Variants in TEX11 observed in about 807,000 individuals in gnomAD.
The protein encoded by TEX11 is testis expressed 11.
Under a neutral mutation model 84.4 loss-of-function variants are expected in TEX11, and 7 were observed. That is an observed-to-expected ratio of 0.08 (90% confidence interval 0.05 to 0.16). The LOEUF (loss-of-function observed/expected upper bound fraction) is 0.16. TEX11 is among the 10% of genes least tolerant of loss of function. TEX11 has a pLI of 1.00. For synonymous variants in TEX11, 264 were observed against 222.8 expected, an observed-to-expected ratio of 1.18 and a Z score of -1.64; for missense variants, 551 against 660.5, an observed-to-expected ratio of 0.83 and a Z score of 1.82.
chrX:70,666,517 T>C (rs975939964), intron 16 of TEX11, among the ~76,000 whole-genome samples: 1 of 111,469 alleles, frequency 9.0e-6, no homozygotes, highest in Non-Finnish European at 1.9e-5. Flanking sequence ...CTGGCATGAG[T>C]CTACTTCCCT....
chrX:70,811,718 C>T (rs1602147338), intron 8 of TEX11, among the ~76,000 whole-genome samples: 2 of 110,435 alleles, frequency 1.8e-5, no homozygotes, highest in African/African-American at 6.6e-5. Context: ...GATCGCCATT[C>T]TAACTGGTGT....
chrX:70,671,541 A>G (rs748477606), intron 15 of TEX11, among the ~76,000 whole-genome samples: 1 of 110,777 alleles, frequency 9.0e-6, no homozygotes, highest in East Asian at 2.8e-4. Flanking sequence ...GCAAGACTGG[A>G]AAATGAGAGG....
intron 13 of TEX11, among the ~76,000 whole-genome samples, chrX:70,701,669 C>T (rs1362719521): frequency 8.9e-6 from 1 of 112,174 alleles, no homozygotes; most frequent in African/African-American, 3.2e-5. Context: ...ATAGTTATTC[C>T]TCTCATGGAT....
Position 70,725,290 on chromosome X carries a change from G to A in TEX11, c.897C>T (p.Gly299=), listed in dbSNP as rs139872637. The A allele has an allele frequency of 1.2e-4, 141 of 1,196,621 alleles. 1 individual carries two copies. The highest frequency in any genetic ancestry group is 1.4e-4 in the Non-Finnish European group (126 of 886,301). The change falls in exon 12 of 30, where the codon GGC becomes GGT. Residue 299 remains glycine (G), a synonymous_variant. Coordinates refer to ENST00000374333, the MANE Select transcript of TEX11 (RefSeq NM_031276.3). ...CAAGGAGTTCTTCATTAGATGTTTCGCCTTTCAAGAGGATTTTCATTTTTA... is the reference window on the plus strand; with the variant it reads ...CAAGGAGTTCTTCATTAGATGTTTCACCTTTCAAGAGGATTTTCATTTTTA... The part of the protein sequence containing the change: ...LFLKMKILLK[G]ETSNEELLEA...
intron 16 of TEX11, 152 bp downstream of exon 16, chrX:70,670,225 A>G: frequency 1.8e-6 from 1 of 557,368 alleles, no homozygotes; most frequent in East Asian, 3.8e-5. Context: ...TACAGTGTGC[A>G]AATCAAGAAA....
At chrX:70,842,320 A>G (rs1425169494) in intron 7 of TEX11, among the ~76,000 whole-genome samples, 1 of 111,201 alleles carries the variant, frequency 9.0e-6, no homozygotes, top group Non-Finnish European at 1.9e-5. Context: ...TGCAAGGCTG[A>G]TTCAACATAC....
At chrX:70,771,752 C>T (rs1194034017) in intron 9 of TEX11, among the ~76,000 whole-genome samples, 1 of 111,572 alleles carries the variant, frequency 9.0e-6, no homozygotes, top group Non-Finnish European at 1.9e-5. Context: ...TTTGACTGTT[C>T]CCTACATTTA....
intron 9 of TEX11, among the ~76,000 whole-genome samples, chrX:70,798,467 TCA>T (rs1284226651): frequency 1.8e-5 from 2 of 112,050 alleles, no homozygotes; most frequent in Admixed American, 9.5e-5. Context: ...AATGGCATTT[TCA>T]CAGAAGCAGA....
chrX:70,571,377 A>T (rs188570305), intron 25 of TEX11, among the ~76,000 whole-genome samples: 1 of 111,877 alleles, frequency 8.9e-6, no homozygotes, highest in Non-Finnish European at 1.9e-5. Flanking sequence ...TATCTTTGTT[A>T]CATTCTTCCT....
intron 24 of TEX11, among the ~76,000 whole-genome samples, chrX:70,600,438 A>G (rs1163948390): frequency 9.0e-6 from 1 of 111,018 alleles, no homozygotes; most frequent in Non-Finnish European, 1.9e-5. Context: ...ACTTCCCACC[A>G]TCAACATTAG....
intron 9 of TEX11, among the ~76,000 whole-genome samples, chrX:70,763,508 G>A (rs1369320783): frequency 9.1e-6 from 1 of 110,235 alleles, no homozygotes; most frequent in Non-Finnish European, 1.9e-5. Flanking sequence ...CACTGCTTAG[G>A]TGTCGGGTAT....
At chrX:70,740,372 G>A (rs1450161037) in intron 11 of TEX11, among the ~76,000 whole-genome samples, 1 of 110,700 alleles carries the variant, frequency 9.0e-6, no homozygotes, top group Non-Finnish European at 1.9e-5. Context: ...TCTTTTATAA[G>A]GGCAGTAATA....
intron 13 of TEX11, among the ~76,000 whole-genome samples, chrX:70,692,896 T>C (rs922771719): frequency 7.2e-5 from 8 of 111,531 alleles, no homozygotes; most frequent in African/African-American, 2.6e-4. Context: ...GAAACTGCCA[T>C]ACTGTTTTCC....
At chrX:70,872,996 A>T (rs1257105636) in intron 4 of TEX11, among the ~76,000 whole-genome samples, 1 of 110,964 alleles carries the variant, frequency 9.0e-6, no homozygotes, top group Non-Finnish European at 1.9e-5. Flanking sequence ...TATTTCTTGC[A>T]GTGATATCTT....
At chrX:70,661,256 G>A (rs111756930) in intron 16 of TEX11, among the ~76,000 whole-genome samples, 3,436 of 112,278 alleles carry the variant, frequency 0.031, 138 homozygotes, top group African/African-American at 0.11. Context: ...AGGGTCCTAC[G>A]CCCACAGAGC....
rs188089281 is a variant in TEX11, at chrX:70,831,734, T to C, written c.606+1779A>G. Among the ~76,000 whole-genome samples, 56 of 111,507 alleles carry C rather than the reference T, an allele frequency of 5.0e-4. No homozygotes were observed. In the East Asian group the frequency reaches 5.0e-3, roughly 10 times the overall value. On this transcript the variant is annotated intron_variant, in intron 8 of 29. Transcript: ENST00000374333. The stretch of plus-strand genomic sequence containing the variant: ...CTACAGTTAATATTATAATAATGTA[T>C]TGTATACTTGAAAATTGCTAAGAAA...
chrX:70,740,105 A>G (rs1314975530), intron 11 of TEX11, among the ~76,000 whole-genome samples: 1 of 112,304 alleles, frequency 8.9e-6, no homozygotes, highest in Non-Finnish European at 1.9e-5. Context: ...TCTGTTTCAC[A>G]GAAAAGAAAA....
At chrX:70,635,921 C>A (rs1344892024) in intron 17 of TEX11, among the ~76,000 whole-genome samples, 1 of 111,452 alleles carries the variant, frequency 9.0e-6, no homozygotes, top group East Asian at 2.8e-4. Flanking sequence ...ATGAACACAG[C>A]CTTCACACCT....
At chrX:70,717,435 C>T (rs186991653) in intron 13 of TEX11, among the ~76,000 whole-genome samples, 125 of 109,758 alleles carry the variant, frequency 1.1e-3, no homozygotes, top group African/African-American at 3.3e-3. Context: ...TCTCATGCCT[C>T]AGCCTCCTGA....
Sources: gnomAD v4.1 joint callset for allele counts (sites outside exome capture counted in the v4.1 genomes callset) on GRCh38, gnomAD v4.1.1 for gene constraint, MANE v1.5 for transcripts, NCBI Gene and HGNC (gene_info 2026-07-23, HGNC 2026-07-21) for gene names.